PDE1C: variants seen among roughly 807,000 people sequenced by gnomAD.
The protein encoded by PDE1C is phosphodiesterase 1C, also known as dual specificity calcium/calmodulin-dependent 3',5'-cyclic nucleotide phosphodiesterase 1C.
PDE1C carries 62 observed loss-of-function variants against 93.1 expected under a neutral mutation model. The observed-to-expected ratio is 0.67, with a 90% CI of 0.54 to 0.82. The LOEUF (loss-of-function observed/expected upper bound fraction) is 0.82, where lower values mean the gene tolerates loss of function less well. Among genes scored for constraint, PDE1C ranks in the 40% least tolerant of loss-of-function variants. The pLI is 0.00. For synonymous variants in PDE1C, 325 were observed against 310.1 expected (o/e 1.05, Z -0.50); for missense variants, 742 against 884.6 (o/e 0.84, Z 2.04).
intron 2 of PDE1C, among the ~76,000 whole-genome samples, chr7:31,909,238 T>C (rs1800946759): frequency 1.3e-5 from 2 of 152,160 alleles, no homozygotes; most frequent in Non-Finnish European, 2.9e-5. Context: ...CTGGAAGCAA[T>C]ATAAAACTTA....
chr7:32,011,436 C>A (rs112835016), intron 2 of PDE1C, among the ~76,000 whole-genome samples: 2 of 152,250 alleles, frequency 1.3e-5, no homozygotes, highest in African/African-American at 4.8e-5. Flanking sequence ...TCGTGATCCA[C>A]CCACCTCAGC....
At chr7:32,163,767 C>T (rs138236741) in intron 3 of PDE1C, among the ~76,000 whole-genome samples, 1,560 of 152,310 alleles carry the variant, frequency 0.01, 28 homozygotes, top group African/African-American at 0.035. Flanking sequence ...GTCAGGCCCA[C>T]AGCCAGCATC....
Position 31,828,384 on chromosome 7 carries a change from A to G in PDE1C, c.1204-11T>C. On this transcript the variant is annotated splice_polypyrimidine_tract_variant and intron_variant, in intron 11 of 17. Transcript: ENST00000396191. Reference sequence around the variant, plus strand: ...TGCTTCTCTGTCACCCTGGAAAAATAAAAGGTCATAGTAAATTAAGGAACA... The same window carrying G: ...TGCTTCTCTGTCACCCTGGAAAAATGAAAGGTCATAGTAAATTAAGGAACA... 1 of 1,609,444 alleles carries G rather than the reference A, an allele frequency of 6.2e-7. No homozygotes were observed. Among genetic ancestry groups the G allele is most frequent in the South Asian group, 1.1e-5 (1 of 90,710 alleles).
At chr7:31,987,181 G>A (rs17160741) in intron 2 of PDE1C, among the ~76,000 whole-genome samples, 3 of 151,886 alleles carry the variant, frequency 2.0e-5, no homozygotes, top group Admixed American at 6.6e-5. Flanking sequence ...TTAGTGGAGC[G>A]GTGTTTTTAA....
intron 17 of PDE1C, 25 bp downstream of exon 17, chr7:31,775,639 T>A: frequency 4.4e-6 from 7 of 1,598,214 alleles, no homozygotes; most frequent in Non-Finnish European, 6.0e-6. Flanking sequence ...GTCACTAAGA[T>A]AATGGTGCAA....
chr7:32,309,882 C>A (rs775613734), intron 1 of PDE1C, among the ~76,000 whole-genome samples: 3 of 152,104 alleles, frequency 2.0e-5, no homozygotes, highest in African/African-American at 7.2e-5. Flanking sequence ...ATGACAGGAC[C>A]AAATACACAC....
At chr7:31,690,968 G>A in the PDE1C span, among the ~76,000 whole-genome samples, 1 of 152,142 alleles carries the variant, frequency 6.6e-6, no homozygotes, top group Non-Finnish European at 1.5e-5. Flanking sequence ...TTAAATAGGT[G>A]CATAAGACCA....
chr7:32,030,623 T>A (rs191216894), intron 2 of PDE1C, among the ~76,000 whole-genome samples: 33 of 152,238 alleles, frequency 2.2e-4, no homozygotes, highest in African/African-American at 7.5e-4. Context: ...AGAAACAGCA[T>A]GTACAGGAAG....
chr7:32,089,988 C>A (rs1208163870), intron 3 of PDE1C, among the ~76,000 whole-genome samples: 1 of 152,168 alleles, frequency 6.6e-6, no homozygotes, highest in African/African-American at 2.4e-5. Context: ...ATTTTCTTGT[C>A]TTTTAAACTT....
intron 1 of PDE1C, among the ~76,000 whole-genome samples, chr7:32,424,762 A>G (rs542026071): frequency 6.6e-6 from 1 of 152,266 alleles, no homozygotes; most frequent in Non-Finnish European, 1.5e-5. Context: ...CAGTGAGCTG[A>G]GATTGCAGTG....
At chr7:31,672,214 G>A in the PDE1C span, among the ~76,000 whole-genome samples, 7 of 152,084 alleles carry the variant, frequency 4.6e-5, no homozygotes, top group African/African-American at 1.7e-4. Flanking sequence ...AAACTGCTTG[G>A]CAAGACGGAT....
chr7:32,298,092 T>C (rs998628324), intron 1 of PDE1C, among the ~76,000 whole-genome samples: 2 of 143,274 alleles, frequency 1.4e-5, no homozygotes, highest in African/African-American at 5.2e-5. Flanking sequence ...CCCCGGTCTC[T>C]GTCTCTCTCA....
intron 17 of PDE1C, among the ~76,000 whole-genome samples, chr7:31,755,145 G>A (rs1794374561): frequency 6.6e-6 from 1 of 152,144 alleles, no homozygotes; most frequent in Non-Finnish European, 1.5e-5. Context: ...CACTCTACAT[G>A]TATACCAGAA....
rs937183845 is a variant in PDE1C, at chr7:31,776,306, T to G, written c.1892-574A>C. ...GAATGACAACAATTGCGTCGAAGTGTTCCAGTGAGGATTAAAGGAAGCAAA... is the reference window on the plus strand; with the variant it reads ...GAATGACAACAATTGCGTCGAAGTGGTCCAGTGAGGATTAAAGGAAGCAAA... On this transcript the variant is annotated intron_variant, in intron 16 of 17. Transcript: ENST00000396191. Among the ~76,000 whole-genome samples the G allele has an allele frequency of 6.6e-5, 10 of 152,298 alleles. No individual in the cohort carries two copies. In the South Asian group the frequency reaches 1.9e-3, roughly 28 times the overall value.
chr7:32,349,756 A>G (rs889822928), intron 1 of PDE1C, among the ~76,000 whole-genome samples: 1 of 152,020 alleles, frequency 6.6e-6, no homozygotes, highest in Non-Finnish European at 1.5e-5. Context: ...GAGCCTCCCA[A>G]GTAGCTGGGA....
rs1021835750 is a variant in PDE1C at position 31,924,619 on chromosome 7, G to C, written c.129-43759C>G. ...CTTTCCAATGTCATTTCCTCCAGCA[G>C]CTGCTCCTTCCTTTTGGGAACCCCC... On this transcript the variant is annotated intron_variant, in intron 2 of 17. Transcript: ENST00000396191. Among the ~76,000 whole-genome samples the C allele has an allele frequency of 9.2e-5, 14 of 152,172 alleles. 1 individual carries two copies. The highest frequency in any genetic ancestry group is 3.4e-4 in the African/African-American group (14 of 41,434).
intron 1 of PDE1C, among the ~76,000 whole-genome samples, chr7:32,236,779 T>C (rs1383014027): frequency 6.6e-6 from 1 of 152,198 alleles, no homozygotes; most frequent in African/African-American, 2.4e-5. Flanking sequence ...AACATCCACC[T>C]AATACAAGTT....
intron 16 of PDE1C, among the ~76,000 whole-genome samples, chr7:31,805,251 A>G (rs1301469139): frequency 2.0e-5 from 3 of 151,588 alleles, no homozygotes; most frequent in Non-Finnish European, 4.4e-5. Flanking sequence ...GCCTGAGGAC[A>G]GACTAATACA....
intron 2 of PDE1C, among the ~76,000 whole-genome samples, chr7:31,921,935 T>C (rs922042090): frequency 6.6e-6 from 1 of 152,222 alleles, no homozygotes; most frequent in African/African-American, 2.4e-5. Context: ...TTTACAAGTC[T>C]ATGAGATACG....
Sources: gnomAD v4.1 joint callset for allele counts (sites outside exome capture counted in the v4.1 genomes callset) on GRCh38, gnomAD v4.1.1 for gene constraint, MANE v1.5 for transcripts, NCBI Gene and HGNC (gene_info 2026-07-23, HGNC 2026-07-21) for gene names.